Variants in EXTL3 observed in about 807,000 individuals in gnomAD.
EXTL3 encodes the protein exostosin like glycosyltransferase 3, also known as exostosin-like 3.
A neutral mutation model predicts 69.3 loss-of-function variants in EXTL3; 27 were observed. The observed-to-expected ratio is 0.39, with a 90% confidence interval of 0.29 to 0.54. The LOEUF (loss-of-function observed/expected upper bound fraction) is 0.54. Among genes scored for constraint, EXTL3 ranks in the 20% least tolerant of loss-of-function variants. The pLI is 0.69. For missense variants in EXTL3, 1,003 were observed against 1,231.8 expected, an observed-to-expected ratio of 0.81 and a Z score of 2.78; for synonymous variants, 511 against 499.4, an observed-to-expected ratio of 1.02 and a Z score of -0.31.
At chr8:28,687,613 A>G (rs1372872351) in intron 1 of EXTL3, among the ~76,000 whole-genome samples, 1 of 152,254 alleles carries the variant, frequency 6.6e-6, no homozygotes, top group East Asian at 1.9e-4. Context: ...GTTTGGCTCA[A>G]GAGCTCAGAA....
chr8:28,738,265 C>T (rs1231581477), intron 5 of EXTL3, among the ~76,000 whole-genome samples: 1 of 152,134 alleles, frequency 6.6e-6, no homozygotes, highest in African/African-American at 2.4e-5. Flanking sequence ...GTAAAGTGGC[C>T]CCTGACCACA....
At chr8:28,670,278 T>G (rs900257705) in intron 1 of EXTL3, among the ~76,000 whole-genome samples, 1 of 149,026 alleles carries the variant, frequency 6.7e-6, no homozygotes. Flanking sequence ...TAATTTTTAG[T>G]GAGGTAGAAA....
rs1413709425 is a variant in EXTL3 at position 28,627,027 on chromosome 8, A to G, written c.-53+4217A>G. Among the ~76,000 whole-genome samples the G allele has an allele frequency of 2.0e-5, 3 of 151,908 alleles. No individual in the cohort carries two copies. In the East Asian group the frequency reaches 5.8e-4, roughly 29 times the overall value. ...GAAACCCTGTCTCCACTAAAAATAC[A>G]AAAAATTAGCTGGGCGTGGTGGCGG... is the stretch of plus-strand genomic sequence containing the variant. On this transcript the variant is annotated intron_variant, in intron 1 of 6. Coordinates refer to the EXTL3 transcript ENST00000523149.
chr8:28,740,634 G>C (rs1003994780), intron 5 of EXTL3: 20 of 152,120 alleles, frequency 1.3e-4, no homozygotes, highest in African/African-American at 3.4e-4. Flanking sequence ...CACGAAAGCA[G>C]TTAGATTGGT....
chr8:28,705,651 C>T (rs998259104), intron 1 of EXTL3, among the ~76,000 whole-genome samples: 15 of 151,846 alleles, frequency 9.9e-5, no homozygotes, highest in African/African-American at 3.6e-4. Context: ...AGGGCACTAA[C>T]GATATCAATT....
chr8:28,636,696 G>A (rs974648149), intron 1 of EXTL3, among the ~76,000 whole-genome samples: 8 of 152,070 alleles, frequency 5.3e-5, no homozygotes, highest in South Asian at 4.1e-4. Flanking sequence ...GAACTTGCCC[G>A]TTTACTCTGC....
chr8:28,672,850 C>T (rs1283135929), intron 1 of EXTL3, among the ~76,000 whole-genome samples: 1 of 152,154 alleles, frequency 6.6e-6, no homozygotes, highest in Non-Finnish European at 1.5e-5. Context: ...GTGGCTTCCA[C>T]AATTCTCACG....
chr8:28,651,257 C>T (rs1200329834), intron 1 of EXTL3, among the ~76,000 whole-genome samples: 1 of 152,154 alleles, frequency 6.6e-6, no homozygotes. Flanking sequence ...TAGGCTTCAT[C>T]TAGCCCACCA....
At chr8:28,735,694 G>A (rs780476154) in intron 4 of EXTL3, among the ~76,000 whole-genome samples, 21 of 152,140 alleles carry the variant, frequency 1.4e-4, no homozygotes, top group Admixed American at 3.9e-4. Flanking sequence ...ACAGACCTAA[G>A]TTCAAAGGAA....
chr8:28,672,289 G>A (rs1396925020), intron 1 of EXTL3, among the ~76,000 whole-genome samples: 1 of 151,682 alleles, frequency 6.6e-6, no homozygotes, highest in Non-Finnish European at 1.5e-5. Context: ...ATGGTGGTGG[G>A]CACCTATAGT....
At chr8:28,626,182 AAAATT>A (rs1806488166) in intron 1 of EXTL3, among the ~76,000 whole-genome samples, 1 of 151,806 alleles carries the variant, frequency 6.6e-6, no homozygotes, top group Admixed American at 6.6e-5. Context: ...AAAAAAAAAA[AAAATT>A]AAACTAAAAA....
chr8:28,629,365 G>A (rs1806539007), intron 1 of EXTL3, among the ~76,000 whole-genome samples: 1 of 152,150 alleles, frequency 6.6e-6, no homozygotes, highest in Non-Finnish European at 1.5e-5. Context: ...TTGGTTGCTG[G>A]CTGTCTAGGT....
chr8:28,647,774 C>T (rs1486036254), intron 1 of EXTL3, among the ~76,000 whole-genome samples: 1 of 152,056 alleles, frequency 6.6e-6, no homozygotes, highest in Non-Finnish European at 1.5e-5. Context: ...TTAATTATCT[C>T]TGCAGGAAAT....
intron 1 of EXTL3, among the ~76,000 whole-genome samples, chr8:28,691,675 A>G (rs1307568031): frequency 2.0e-5 from 3 of 150,592 alleles, no homozygotes; most frequent in Non-Finnish European, 4.4e-5. Context: ...AGGTGGGTGG[A>G]TCACCTGAGG....
At chr8:28,648,672 G>A (rs1423631392) in intron 1 of EXTL3, among the ~76,000 whole-genome samples, 1 of 151,418 alleles carries the variant, frequency 6.6e-6, no homozygotes, top group Non-Finnish European at 1.5e-5. Flanking sequence ...AGTGAGGTGT[G>A]TGTCATTACA....
At chr8:28,637,865 C>T (rs567745938) in intron 1 of EXTL3, among the ~76,000 whole-genome samples, 3 of 152,268 alleles carry the variant, frequency 2.0e-5, no homozygotes, top group Admixed American at 2.0e-4. Flanking sequence ...CCTCGGCTCC[C>T]CAGCTGCCTT....
At chr8:28,746,607 A>T (rs1030975231) in intron 6 of EXTL3, among the ~76,000 whole-genome samples, 10 of 152,122 alleles carry the variant, frequency 6.6e-5, no homozygotes, top group Non-Finnish European at 1.2e-4. Flanking sequence ...TTCTTTTTAA[A>T]TTTTTTGCAT....
chr8:28,706,910 A>G (rs1800935418), intron 1 of EXTL3, among the ~76,000 whole-genome samples: 1 of 151,108 alleles, frequency 6.6e-6, no homozygotes, highest in Non-Finnish European at 1.5e-5. Flanking sequence ...ACATTTCTGG[A>G]TTTTACTTTT....
chr8:28,734,108 G>A (rs1281335316), intron 4 of EXTL3, among the ~76,000 whole-genome samples: 1 of 152,080 alleles, frequency 6.6e-6, no homozygotes, highest in Non-Finnish European at 1.5e-5. Context: ...ATGAGCCACC[G>A]CACCAGGCCA....
Sources: allele counts gnomAD v4.1 joint callset (sites outside exome capture counted in the v4.1 genomes callset), GRCh38; gene constraint gnomAD v4.1.1; transcripts MANE v1.5; gene names NCBI Gene and HGNC (gene_info 2026-07-23, HGNC 2026-07-21).